Variants in GRID2 observed in about 807,000 individuals in gnomAD.
The protein encoded by GRID2 is glutamate receptor ionotropic, delta-2.
GRID2 carries 33 observed loss-of-function variants against 114.8 expected under a neutral mutation model. The observed-to-expected ratio is 0.29, with a 90% confidence interval of 0.22 to 0.38. The LOEUF (loss-of-function observed/expected upper bound fraction) is 0.38, where lower values mean the gene tolerates loss of function less well. Among genes scored for constraint, GRID2 ranks in the 10% least tolerant of loss-of-function variants. The pLI is 1.00. For synonymous variants in GRID2, 505 were observed against 449.9 expected, an observed-to-expected ratio of 1.12 and a Z score of -1.55; for missense variants, 1,184 against 1,257.7, an observed-to-expected ratio of 0.94 and a Z score of 0.89.
chr4:93,731,227 T>A (rs1257081200), intron 14 of GRID2, among the ~76,000 whole-genome samples: 1 of 152,144 alleles, frequency 6.6e-6, no homozygotes, highest in East Asian at 1.9e-4. Flanking sequence ...GGGGCACCAC[T>A]GAGACTAAGA....
rs534237161 is a variant in GRID2, at chr4:92,613,114, T to C, written c.244+22828T>C. Among the ~76,000 whole-genome samples, 10 of 151,538 alleles carry C rather than the reference T, an allele frequency of 6.6e-5. No individual in the cohort carries two copies. In the South Asian group the frequency reaches 2.1e-3, roughly 31 times the overall value. ...AAATTTCCTAATACTCATAGTTTGT[T>C]GAGGGTTTCTAATCATAATTGATGC... On this transcript the variant is annotated intron_variant, in intron 2 of 15. Coordinates refer to ENST00000282020, the MANE Select transcript of GRID2 (RefSeq NM_001510.4).
intron 10 of GRID2, among the ~76,000 whole-genome samples, chr4:93,443,637 A>G (rs1721822467): frequency 6.6e-6 from 1 of 151,974 alleles, no homozygotes; most frequent in Non-Finnish European, 1.5e-5. Flanking sequence ...CATCATGAGC[A>G]GGGTTGCAGC....
chr4:92,795,345 C>T (rs138886050), intron 2 of GRID2, among the ~76,000 whole-genome samples: 2,341 of 151,912 alleles, frequency 0.015, 31 homozygotes, highest in Non-Finnish European at 0.025. Context: ...TCAGGGGTTT[C>T]TGCTTTTGCT....
intron 2 of GRID2, among the ~76,000 whole-genome samples, chr4:93,004,134 A>T (rs1340622172): frequency 1.3e-5 from 2 of 151,960 alleles, no homozygotes; most frequent in African/African-American, 4.8e-5. Flanking sequence ...AATATTAGAC[A>T]TATCACATTT....
intron 2 of GRID2, among the ~76,000 whole-genome samples, chr4:92,885,404 T>A (rs908382761): frequency 6.6e-6 from 1 of 152,204 alleles, no homozygotes; most frequent in Non-Finnish European, 1.5e-5. Flanking sequence ...TAAAACTTGT[T>A]GTGAATTAAA....
At chr4:93,266,726 T>G (rs2149560137) in intron 8 of GRID2, among the ~76,000 whole-genome samples, 1 of 152,302 alleles carries the variant, frequency 6.6e-6, no homozygotes, top group East Asian at 1.9e-4. Context: ...TCCAGGGTTT[T>G]TATAAGGGAA....
intron 2 of GRID2, among the ~76,000 whole-genome samples, chr4:93,080,464 T>C (rs1729757528): frequency 6.6e-6 from 1 of 152,208 alleles, no homozygotes; most frequent in African/African-American, 2.4e-5. Flanking sequence ...GGCTACTGTT[T>C]CTCAGAAAGG....
intron 13 of GRID2, among the ~76,000 whole-genome samples, chr4:93,544,532 C>T (rs1733002020): frequency 3.9e-5 from 6 of 151,990 alleles, no homozygotes; most frequent in Admixed American, 3.3e-4. Flanking sequence ...AATCCCAGTA[C>T]TTTGAGAGGC....
intron 2 of GRID2, among the ~76,000 whole-genome samples, chr4:92,652,951 AATAT>A (rs925321947): frequency 1.6e-5 from 2 of 127,964 alleles, no homozygotes; most frequent in Non-Finnish European, 3.4e-5. Flanking sequence ...TATATTTATA[AATAT>A]ATATAAACAT....
chr4:92,700,923 G>A (rs982761942), intron 2 of GRID2, among the ~76,000 whole-genome samples: 1 of 151,676 alleles, frequency 6.6e-6, no homozygotes, highest in Non-Finnish European at 1.5e-5. Flanking sequence ...GAACCCGGGA[G>A]GTGGAGCTTG....
At chr4:93,555,541 G>A (rs1482362430) in intron 13 of GRID2, among the ~76,000 whole-genome samples, 1 of 152,198 alleles carries the variant, frequency 6.6e-6, no homozygotes, top group Non-Finnish European at 1.5e-5. Flanking sequence ...AGGTGCTATA[G>A]CCAGACTGCC....
Position 92,861,800 on chromosome 4 carries a change from C to T in GRID2, c.245-223195C>T, listed in dbSNP as rs1744552645. ...AGTTAATCCTTGTTCCTATTGTTCA[C>T]ATTTTAGCTCCAATTTTACCTTCCC... is the stretch of plus-strand genomic sequence containing the variant. On this transcript the variant is annotated intron_variant, in intron 2 of 15. Coordinates refer to ENST00000282020, the MANE Select transcript of GRID2 (RefSeq NM_001510.4). 2.0e-5 allele frequency among the ~76,000 whole-genome samples: 3 copies of T among 151,986 alleles called. No individual in the cohort carries two copies. The South Asian group carries it at 6.2e-4, about 32-fold the overall frequency.
chr4:92,472,195 A>C (rs1722078547), intron 1 of GRID2, among the ~76,000 whole-genome samples: 1 of 60,890 alleles, frequency 1.6e-5, no homozygotes, highest in African/African-American at 9.7e-5. Flanking sequence ...GGCCTCCCAA[A>C]GTGCTGGGAT....
chr4:92,775,544 T>C (rs1291017905), intron 2 of GRID2, among the ~76,000 whole-genome samples: 1 of 152,166 alleles, frequency 6.6e-6, no homozygotes, highest in Admixed American at 6.6e-5. Flanking sequence ...AAAATTTCTA[T>C]TTTTGTTCCT....
intron 13 of GRID2, among the ~76,000 whole-genome samples, chr4:93,540,321 T>G (rs1187030548): frequency 1.3e-5 from 2 of 152,078 alleles, no homozygotes; most frequent in Non-Finnish European, 2.9e-5. Context: ...CATTTTCTTC[T>G]CCATGCATCG....
At chr4:92,434,186 A>T (rs1032796012) in intron 1 of GRID2, among the ~76,000 whole-genome samples, 7 of 152,212 alleles carry the variant, frequency 4.6e-5, no homozygotes. Context: ...AATTATTCTC[A>T]GCAACATCCT....
intron 2 of GRID2, among the ~76,000 whole-genome samples, chr4:92,687,136 T>C (rs564900892): frequency 6.6e-6 from 1 of 152,218 alleles, no homozygotes; most frequent in South Asian, 2.1e-4. Flanking sequence ...TTAAGCAAAA[T>C]TGAACCAAAC....
At chr4:92,942,224 A>T (rs554756761) in intron 2 of GRID2, among the ~76,000 whole-genome samples, 9 of 152,100 alleles carry the variant, frequency 5.9e-5, no homozygotes, top group Non-Finnish European at 1.2e-4. Flanking sequence ...GTAGGTCACT[A>T]AGGACTTGCT....
At chr4:92,690,429 A>G (rs1292193996) in intron 2 of GRID2, among the ~76,000 whole-genome samples, 3 of 152,146 alleles carry the variant, frequency 2.0e-5, no homozygotes, top group Non-Finnish European at 4.4e-5. Context: ...TTGCCCTAAA[A>G]CAATTACAGT....
Sources: gnomAD v4.1 joint callset for allele counts (sites outside exome capture counted in the v4.1 genomes callset) on GRCh38, gnomAD v4.1.1 for gene constraint, MANE v1.5 for transcripts, NCBI Gene and HGNC (gene_info 2026-07-23, HGNC 2026-07-21) for gene names.